The following CFAP299 variants were observed in gnomAD, a reference collection of about 807,000 sequenced individuals.
The protein encoded by CFAP299 is cilia- and flagella-associated protein 299.
In CFAP299, 21 loss-of-function variants were observed where a neutral mutation model predicts 27.0. The observed-to-expected ratio is 0.78, with a 90% CI of 0.55 to 1.12. CFAP299 has a LOEUF of 1.12. Ranked by LOEUF, CFAP299 falls within the 50% of genes most tolerant of loss-of-function variation. The probability of loss-of-function intolerance (pLI) is 0.00; values close to 1 mark genes in which losing one functional copy is unlikely to be tolerated. For synonymous variants in CFAP299, 104 were observed against 98.1 expected, an observed-to-expected ratio of 1.06 and a Z score of -0.36; for missense variants, 310 against 276.6, an observed-to-expected ratio of 1.12 and a Z score of -0.86.
At chr4:80,926,840 A>G (rs1326739541) in intron 4 of CFAP299, among the ~76,000 whole-genome samples, 1 of 152,118 alleles carries the variant, frequency 6.6e-6, no homozygotes, top group East Asian at 1.9e-4. Context: ...AATATAAAAC[A>G]TTGAACATTT....
chr4:80,759,351 C>T (rs976854474), intron 3 of CFAP299, among the ~76,000 whole-genome samples: 15 of 152,044 alleles, frequency 9.9e-5, no homozygotes, highest in African/African-American at 1.7e-4. Flanking sequence ...ATAGGAAACA[C>T]GACTGAAAGT....
intron 3 of CFAP299, among the ~76,000 whole-genome samples, chr4:80,678,090 G>T (rs1342289039): frequency 6.6e-6 from 1 of 151,706 alleles, no homozygotes; most frequent in Admixed American, 6.6e-5. Context: ...TTAGTAGATG[G>T]TCTATTTTGG....
chr4:80,770,800 C>CCCTGT (rs757755149), intron 3 of CFAP299, among the ~76,000 whole-genome samples: 1 of 152,000 alleles, frequency 6.6e-6, no homozygotes, highest in Non-Finnish European at 1.5e-5. Flanking sequence ...GGGAGTAAGT[C>CCCTGT]CCTGTTGTCT....
At chr4:80,844,247 A>G (rs1349206976) in intron 3 of CFAP299, among the ~76,000 whole-genome samples, 6 of 152,140 alleles carry the variant, frequency 3.9e-5, no homozygotes, top group Non-Finnish European at 8.8e-5. Context: ...AGCATGATTT[A>G]TAGTCCTTTG....
At chr4:80,951,585 C>T (rs1737780113) in intron 5 of CFAP299, among the ~76,000 whole-genome samples, 1 of 152,174 alleles carries the variant, frequency 6.6e-6, no homozygotes, top group Non-Finnish European at 1.5e-5. Flanking sequence ...CTTCCTCTCT[C>T]TTTCTCAAAT....
chr4:80,607,266 G>A (rs755523936), intron 3 of CFAP299, among the ~76,000 whole-genome samples: 4 of 151,928 alleles, frequency 2.6e-5, no homozygotes, highest in Non-Finnish European at 4.4e-5. Context: ...CTTCTTCATC[G>A]CACCTGAAAT....
intron 4 of CFAP299, among the ~76,000 whole-genome samples, chr4:80,883,974 C>A (rs1733846762): frequency 6.6e-6 from 1 of 152,096 alleles, no homozygotes; most frequent in Non-Finnish European, 1.5e-5. Flanking sequence ...AGGTATTAGG[C>A]CTGGTACTCA....
chr4:80,770,110 G>A (rs959268456), intron 3 of CFAP299, among the ~76,000 whole-genome samples: 7 of 152,054 alleles, frequency 4.6e-5, no homozygotes, highest in African/African-American at 1.4e-4. Flanking sequence ...CACTTTCTTG[G>A]TCCCTTTCAA....
intron 3 of CFAP299, among the ~76,000 whole-genome samples, chr4:80,682,502 G>A (rs1440032856): frequency 6.6e-6 from 1 of 152,004 alleles, no homozygotes; most frequent in Middle Eastern, 3.2e-3. Context: ...AATAACAGCA[G>A]CTAAATTTTC....
intron 2 of CFAP299, among the ~76,000 whole-genome samples, chr4:80,432,381 G>A (rs771113130): frequency 9.9e-5 from 15 of 152,072 alleles, no homozygotes; most frequent in Non-Finnish European, 2.1e-4. Flanking sequence ...TCGAACTCCT[G>A]ATCTTGTGAT....
At chr4:80,484,933 T>C (rs1330645340) in intron 2 of CFAP299, among the ~76,000 whole-genome samples, 5 of 152,082 alleles carry the variant, frequency 3.3e-5, no homozygotes, top group African/African-American at 9.7e-5. Flanking sequence ...AGCTGTAAAG[T>C]ATGGAAGGAA....
At chr4:80,949,336 G>T (rs1737644166) in intron 5 of CFAP299, among the ~76,000 whole-genome samples, 1 of 152,080 alleles carries the variant, frequency 6.6e-6, no homozygotes, top group Non-Finnish European at 1.5e-5. Context: ...GCACAGGAGA[G>T]AAATACTTTT....
At chr4:80,636,280 G>T (rs1577960555) in intron 3 of CFAP299, among the ~76,000 whole-genome samples, 1 of 152,176 alleles carries the variant, frequency 6.6e-6, no homozygotes, top group East Asian at 1.9e-4. Flanking sequence ...TGTATCCTCA[G>T]ACCCTTCCTT....
At chr4:80,433,678 G>A (rs1448337498) in intron 2 of CFAP299, among the ~76,000 whole-genome samples, 3 of 152,074 alleles carry the variant, frequency 2.0e-5, no homozygotes, top group Admixed American at 1.3e-4. Context: ...TACCAACTTT[G>A]TACAATGTAA....
chr4:80,747,864 GCTGA>G (rs1724709218), intron 3 of CFAP299, among the ~76,000 whole-genome samples: 2 of 151,924 alleles, frequency 1.3e-5, no homozygotes. Context: ...TCATTTATAT[GCTGA>G]TGACTTACCT....
intron 3 of CFAP299, among the ~76,000 whole-genome samples, chr4:80,605,374 A>T (rs1737602511): frequency 6.6e-6 from 1 of 152,182 alleles, no homozygotes; most frequent in African/African-American, 2.4e-5. Context: ...ATTTTTCTAA[A>T]GTGTTTTCAT....
chr4:80,861,807 T>C (rs1732386444), intron 3 of CFAP299, among the ~76,000 whole-genome samples: 1 of 152,206 alleles, frequency 6.6e-6, no homozygotes, highest in Non-Finnish European at 1.5e-5. Flanking sequence ...TAATGGGTTA[T>C]TACTAGCATA....
At chr4:80,757,110 A>G (rs1375835171) in intron 3 of CFAP299, among the ~76,000 whole-genome samples, 1 of 152,174 alleles carries the variant, frequency 6.6e-6, no homozygotes, top group African/African-American at 2.4e-5. Flanking sequence ...CAAGCTTCAT[A>G]TTAGTTAGTA....
At chr4:80,733,350 A>G (rs1317679749) in intron 3 of CFAP299, among the ~76,000 whole-genome samples, 1 of 152,116 alleles carries the variant, frequency 6.6e-6, no homozygotes, top group African/African-American at 2.4e-5. Flanking sequence ...TAGTTGGTGC[A>G]TATATTTATG....
Sources: gnomAD v4.1 joint callset for allele counts (sites outside exome capture counted in the v4.1 genomes callset) on GRCh38, gnomAD v4.1.1 for gene constraint, MANE v1.5 for transcripts, NCBI Gene and HGNC (gene_info 2026-07-23, HGNC 2026-07-21) for gene names.